The following KCNIP1 variants were observed in gnomAD, a reference collection of about 807,000 sequenced individuals.
KCNIP1 encodes potassium voltage-gated channel interacting protein 1.
A neutral mutation model predicts 33.0 loss-of-function variants in KCNIP1; 18 were observed. The ratio of observed to expected loss-of-function variants is 0.55; its 90% CI spans 0.38 to 0.81. The LOEUF is 0.81. Ranked by LOEUF, KCNIP1 falls within the 30% of genes least tolerant of loss-of-function variation. KCNIP1 has a pLI of 0.00. For missense variants in KCNIP1, 238 were observed against 271.6 expected (o/e 0.88, Z 0.87); for synonymous variants, 93 against 98.3 (o/e 0.95, Z 0.32).
At chr5:170,483,147 T>A (rs1326861146) in intron 1 of KCNIP1, 1 of 437,218 alleles carries the variant, frequency 2.3e-6, no homozygotes, top group African/African-American at 2.1e-5. Context: ...GACAGGTATT[T>A]CCATGGAGCT....
intron 1 of KCNIP1, among the ~76,000 whole-genome samples, chr5:170,384,406 T>C (rs1764381569): frequency 6.6e-6 from 1 of 152,156 alleles, no homozygotes; most frequent in African/African-American, 2.4e-5. Flanking sequence ...GGGGTTTGAG[T>C]TGAGCCAGGA....
At chr5:170,639,352 A>T (rs1241552703) in intron 1 of KCNIP1, 1 of 152,206 alleles carries the variant, frequency 6.6e-6, no homozygotes, top group African/African-American at 2.4e-5. Flanking sequence ...TCAAACTCTG[A>T]ACAGAACGGA....
chr5:170,632,522 A>G (rs1760091224), intron 1 of KCNIP1, among the ~76,000 whole-genome samples: 1 of 152,248 alleles, frequency 6.6e-6, no homozygotes. Flanking sequence ...GAGGAGGAGC[A>G]GCGCGGCTCT....
At chr5:170,617,239 G>A (rs1581402822) in intron 1 of KCNIP1, among the ~76,000 whole-genome samples, 1 of 152,092 alleles carries the variant, frequency 6.6e-6, no homozygotes, top group Admixed American at 6.5e-5. Flanking sequence ...TCAGACTGGG[G>A]CATTGTGGAC....
At chr5:170,710,092 T>G (rs1763393772) in intron 1 of KCNIP1, among the ~76,000 whole-genome samples, 1 of 152,200 alleles carries the variant, frequency 6.6e-6, no homozygotes, top group Non-Finnish European at 1.5e-5. Flanking sequence ...GGTCTCGAAC[T>G]CCTGACCTCA....
At chr5:170,589,723 A>ATGTGGTGTGATGTGG (rs1758138060) in intron 1 of KCNIP1, among the ~76,000 whole-genome samples, 1 of 132,420 alleles carries the variant, frequency 7.6e-6, no homozygotes, top group Non-Finnish European at 1.6e-5. Context: ...GTGTGGTGTG[A>ATGTGGTGTGATGTGG]TGTGGTGTGG....
At chr5:170,603,111 C>A (rs1241034981) in intron 1 of KCNIP1, among the ~76,000 whole-genome samples, 1 of 152,158 alleles carries the variant, frequency 6.6e-6, no homozygotes, top group Non-Finnish European at 1.5e-5. Context: ...GGGATCCCAC[C>A]CACCCCAAAC....
intron 1 of KCNIP1, among the ~76,000 whole-genome samples, chr5:170,702,429 A>C (rs1046885469): frequency 1.3e-5 from 2 of 152,200 alleles, no homozygotes; most frequent in African/African-American, 2.4e-5. Context: ...CTTGTTGCCC[A>C]GAGTGGAGGC....
upstream of KCNIP1, among the ~76,000 whole-genome samples, chr5:170,502,060 C>T (rs533018995): frequency 3.3e-5 from 5 of 152,314 alleles, no homozygotes; most frequent in Middle Eastern, 3.4e-3. Context: ...CAGGAGACCA[C>T]GACAGAGGCC....
At chr5:170,723,641 T>C (rs948207243) in intron 5 of KCNIP1, among the ~76,000 whole-genome samples, 2 of 148,402 alleles carry the variant, frequency 1.3e-5, no homozygotes, top group African/African-American at 2.6e-5. Flanking sequence ...TAACACAGAT[T>C]TGAAGGCTTA....
chr5:170,401,346 G>T (rs1205487528), intron 1 of KCNIP1, among the ~76,000 whole-genome samples: 1 of 152,208 alleles, frequency 6.6e-6, no homozygotes, highest in Non-Finnish European at 1.5e-5. Context: ...TTTACACTCA[G>T]AGTGAATATT....
Position 170,685,322 on chromosome 5 carries a change from CAACT to C in KCNIP1, c.62-33434_62-33431del, listed in dbSNP as rs539119336. On this transcript the variant is annotated intron_variant, in intron 1 of 7. Coordinates refer to ENST00000328939, the MANE Select transcript of KCNIP1 (RefSeq NM_014592.4). Reference sequence around the variant, plus strand: ...CCATTTAGCCACAGCCTGAAGATCCCAACTATGATCAACAAATAAGACTGACTCC... The same window carrying C: ...CCATTTAGCCACAGCCTGAAGATCCCATGATCAACAAATAAGACTGACTCC... Among the ~76,000 whole-genome samples, 396 of 151,044 alleles carry C rather than the reference CAACT, an allele frequency of 2.6e-3. 3 individuals carry two copies. The highest frequency in any genetic ancestry group is 6.8e-3 in the Middle Eastern group (2 of 294).
chr5:170,521,332 C>T (rs901444265), intron 1 of KCNIP1, among the ~76,000 whole-genome samples: 2 of 152,228 alleles, frequency 1.3e-5, no homozygotes, highest in African/African-American at 4.8e-5. Flanking sequence ...TATTTGCATT[C>T]TAGTTCTCAC....
chr5:170,492,642 C>T (rs1161125228), intron 1 of KCNIP1, among the ~76,000 whole-genome samples: 1 of 152,198 alleles, frequency 6.6e-6, no homozygotes, highest in Non-Finnish European at 1.5e-5. Flanking sequence ...CAAAGGCTCA[C>T]CAAGAGTCAC....
chr5:170,695,690 G>T (rs190367884), intron 1 of KCNIP1, among the ~76,000 whole-genome samples: 4 of 152,304 alleles, frequency 2.6e-5, no homozygotes, highest in African/African-American at 9.6e-5. Context: ...AAAGATAAGA[G>T]CCCAAGTCCT....
chr5:170,454,004 C>T (rs757279773), intron 1 of KCNIP1, among the ~76,000 whole-genome samples: 4 of 152,180 alleles, frequency 2.6e-5, no homozygotes, highest in African/African-American at 7.2e-5. Context: ...ACAGCTGAAC[C>T]GTGTCCATTC....
At chr5:170,393,762 TACTC>T (rs150360041) in intron 1 of KCNIP1, among the ~76,000 whole-genome samples, 3,040 of 152,228 alleles carry the variant, frequency 0.02, 50 homozygotes, top group Non-Finnish European at 0.025. Context: ...TGTAGGGTGA[TACTC>T]ACTCCTTTTT....
chr5:170,721,110 T>C (rs1374217734), intron 3 of KCNIP1, among the ~76,000 whole-genome samples: 1 of 152,220 alleles, frequency 6.6e-6, no homozygotes, highest in East Asian at 1.9e-4. Flanking sequence ...ACATCTTCCC[T>C]GGATCCTGAC....
intron 1 of KCNIP1, among the ~76,000 whole-genome samples, chr5:170,604,204 T>G (rs1400072162): frequency 1.3e-5 from 2 of 152,048 alleles, no homozygotes; most frequent in Admixed American, 1.3e-4. Context: ...GAGGGTTCCA[T>G]TCTAGGGAAA....
Sources: gnomAD v4.1 joint callset for allele counts (sites outside exome capture counted in the v4.1 genomes callset) on GRCh38, gnomAD v4.1.1 for gene constraint, MANE v1.5 for transcripts, NCBI Gene and HGNC (gene_info 2026-07-23, HGNC 2026-07-21) for gene names.